Variants in SLC4A11 observed in about 807,000 individuals in gnomAD.
SLC4A11 encodes solute carrier family 4 member 11.
Under a neutral mutation model 95.0 loss-of-function variants are expected in SLC4A11, and 74 were observed. The observed-to-expected ratio is 0.78, with a 90% CI of 0.65 to 0.95. The LOEUF is 0.95. Among genes scored for constraint, SLC4A11 ranks in the 40% least tolerant of loss-of-function variants. SLC4A11 has a pLI of 0.00. For missense variants in SLC4A11, 1,081 were observed against 1,192.4 expected, an observed-to-expected ratio of 0.91 and a Z score of 1.38; for synonymous variants, 548 against 519.0, an observed-to-expected ratio of 1.06 and a Z score of -0.76.
chr20:3,238,851 A>C, intron 1 of SLC4A11: 1 of 1,213,290 alleles, frequency 8.2e-7, no homozygotes, highest in East Asian at 3.6e-5. Context: ...AAACCTGGTA[A>C]GAAATTCAAG....
At chr20:3,238,747 C>G in intron 1 of SLC4A11, 2 of 1,089,312 alleles carry the variant, frequency 1.8e-6, no homozygotes, top group Non-Finnish European at 2.2e-6. Flanking sequence ...CCGCCAGGCT[C>G]CCAAAAGCTC....
intron 19 of SLC4A11, 106 bp downstream of exon 19, chr20:3,228,153 C>CCCAA: frequency 2.0e-6 from 2 of 1,017,548 alleles, no homozygotes; most frequent in Non-Finnish European, 3.0e-6. Flanking sequence ...CCAACCCGCC[C>CCCAA]ATTCTCCGCC....
chr20:3,230,071 A>T, intron 13 of SLC4A11, 116 bp downstream of exon 13: 5 of 1,313,044 alleles, frequency 3.8e-6, no homozygotes, highest in Non-Finnish European at 5.5e-6. Flanking sequence ...CGCACCCTTG[A>T]TCACGGGCAC....
At position 3,229,602 on chromosome 20, in the gene SLC4A11, T is replaced by C. The variant is rs2067682593; in HGVS notation, c.1664A>G (p.Gln555Arg). The change falls in exon 14 of 20, where the codon CAG becomes CGG. Residue 555 changes from glutamine to arginine, a missense_variant. This residue lies in a region of SLC4A11 where 767 missense variants were observed against 858.0 expected (regional missense o/e 0.89). Coordinates refer to ENST00000642402, the MANE Select transcript of SLC4A11 (RefSeq NM_001174089.2). ...TELPSATHSG[Q>R]ATAVLSLLIM... is the part of the protein sequence containing the mutation. ...GAGGAGGCTGAGCACGGCGGTCGCC[T>C]GGCCTGAGTGTGTGGCCGAGGGCAG... 2 of 1,612,628 alleles carry C rather than the reference T, an allele frequency of 1.2e-6. No homozygotes were observed. The highest frequency in any genetic ancestry group is 1.3e-5 in the African/African-American group (1 of 74,900).
chr20:3,236,886 T>TG (rs1034810512), intron 2 of SLC4A11, among the ~76,000 whole-genome samples: 3 of 152,114 alleles, frequency 2.0e-5, no homozygotes, highest in Admixed American at 6.6e-5. Flanking sequence ...ACCAGGTTCC[T>TG]GGGGGGCTCC....
At position 3,230,798 on chromosome 20, in the gene SLC4A11, C is replaced by G; in HGVS notation, c.1216G>C (p.Ala406Pro). Residue 406 changes from alanine to proline, a missense_variant, in exon 11 of 20, where the codon GCG becomes CCG. Ala to Pro is a conservative substitution (Grantham distance 27). This residue lies in a region of SLC4A11 where 767 missense variants were observed against 858.0 expected (regional missense o/e 0.89). Transcript: ENST00000642402. The stretch of plus-strand genomic sequence containing the variant: ...ACCAATGGCTGCCCAGAGAAGAGCG[C>G]GTAGAGCAGGCCCCCGATGCTCTGC... ...AGQSIGGLLY[A>P]LFSGQPLVIL... 2.5e-6 allele frequency: 4 copies of G among 1,613,342 alleles called. No homozygotes were observed. The highest frequency in any genetic ancestry group is 3.4e-6 in the Non-Finnish European group (4 of 1,179,986).
At position 3,228,602 on chromosome 20, in the gene SLC4A11, G is replaced by A. The variant is rs2067626463; in HGVS notation, c.2298C>T (p.Pro766=). 1.4e-5 allele frequency: 22 copies of A among 1,613,190 alleles called. No homozygotes were observed. Among genetic ancestry groups the A allele is most frequent in the Non-Finnish European group, 1.9e-5 (22 of 1,179,980 alleles). Residue 766 remains proline (P), a synonymous_variant, in exon 18 of 20, where the codon CCC becomes CCT. Coordinates refer to ENST00000642402, the MANE Select transcript of SLC4A11 (RefSeq NM_001174089.2). ...LPVPLQWIPK[P]VLYGLFLYIA... is the part of the protein sequence containing the mutation. ...TGTAGAGGAAGAGGCCATAGAGCAC[G>A]GGCTTGGGGATCCACTGAAGCGGGA...
At position 3,230,189 on chromosome 20, in the gene SLC4A11, T is replaced by C. The variant is rs2067706902; in HGVS notation, c.1487A>G (p.Lys496Arg). 2.5e-6 allele frequency: 4 copies of C among 1,613,400 alleles called. No homozygotes were observed. The highest frequency in any genetic ancestry group is 3.4e-6 in the Non-Finnish European group (4 of 1,180,008). Residue 496 changes from lysine (K) to arginine (R), a missense_variant and splice_region_variant, in exon 13 of 20, where the codon AAA (lysine) becomes AGA (arginine). Physicochemically the swap from Lys to Arg is conservative, Grantham distance 26 (BLOSUM62 2). Around this residue, in one of 3 missense-constraint regions of SLC4A11, gnomAD observed 767 missense variants for 858.0 expected, o/e 0.89. Transcript: ENST00000642402. ...AGGTGGCCCCCAGCCGCACTCACTT[T>C]TAACCGTGCCCTTGACGGCATCCAG... ...FVLDAVKGTV[K>R]IFWKYYYGHY...
At chr20:3,228,460 C>T (rs767489954) in intron 18 of SLC4A11, 32 bp from the exon 19 acceptor site, 1 of 1,612,962 alleles carries the variant, frequency 6.2e-7, no homozygotes. Flanking sequence ...TGTGGGCAGG[C>T]ATGGGGCTGT....
At position 3,231,641 on chromosome 20, in the gene SLC4A11, G is replaced by A. The variant is rs1043317319; in HGVS notation, c.730-93C>T. On this transcript the variant is annotated intron_variant, in intron 7 of 19. Transcript: ENST00000642402. The surrounding 1 kb of genome is among the most constrained non-coding windows in gnomAD (Gnocchi z 5.2). ...GTGCTCTCCCCATGAACTGGCAGCA[G>A]GTTTTTTGTCTGTTTGTTTTTTGTG... is the stretch of plus-strand genomic sequence containing the variant. The A allele has an allele frequency of 1.6e-5, 19 of 1,211,836 alleles. No individual in the cohort carries two copies. In the African/African-American group the frequency reaches 2.3e-4, roughly 14 times the overall value. The allele number at this position is 1,211,836 out of a possible 1,614,324, so 75.1% of individuals were successfully genotyped here.
chr20:3,229,902 T>TG, intron 13 of SLC4A11, 126 bp from the exon 14 acceptor site: 1 of 1,337,064 alleles, frequency 7.5e-7, no homozygotes, highest in East Asian at 2.3e-5. Flanking sequence ...GACGTGCCCA[T>TG]GCACCCACAC....
rs766291568 is a variant in SLC4A11, at chr20:3,234,298, T to C, written c.308A>G (p.Asn103Ser). ...GTGCGCACGGATCTCTTCCTTGAAG[T>C]TCTTTAACTTCAGGTACTGAGGGGA... is the stretch of plus-strand genomic sequence containing the variant. ...HTSRKYLKLKNFKEEIRAHRD... is the reference protein window; with the variant it reads ...HTSRKYLKLKSFKEEIRAHRD... Residue 103 changes from asparagine to serine, a missense_variant, in exon 5 of 20, where the codon AAC becomes AGC. Asn to Ser is a conservative substitution (Grantham distance 46). Around this residue, in one of 3 missense-constraint regions of SLC4A11, gnomAD observed 310 missense variants for 313.5 expected, o/e 0.99. Transcript: ENST00000642402. The surrounding 1 kb of genome is among the most constrained non-coding windows in gnomAD (Gnocchi z 5.8). 4.3e-6 allele frequency: 7 copies of C among 1,613,754 alleles called. No homozygotes were observed. The East Asian group carries it at 1.6e-4, about 36-fold the overall frequency.
At chr20:3,238,981 G>A (rs2068074200) in intron 1 of SLC4A11, 114 bp downstream of exon 1, 11 of 1,317,624 alleles carry the variant, frequency 8.3e-6, no homozygotes, top group Non-Finnish European at 8.7e-6. Context: ...CTCGCCCACC[G>A]GCCCCGGCCC....
intron 19 of SLC4A11, 106 bp downstream of exon 19, chr20:3,228,153 C>CAA: frequency 2.0e-6 from 2 of 1,017,546 alleles, no homozygotes; most frequent in African/African-American, 1.6e-5. Context: ...CCAACCCGCC[C>CAA]ATTCTCCGCC....
At position 3,233,413 on chromosome 20, in the gene SLC4A11, C is replaced by T. The variant is rs549285635; in HGVS notation, c.729+101G>A. ...GCCGAGGCGAAGGGGAGGGTGAGGA[C>T]CAGGCCTTCAGAGGCCAGGACATGT... On this transcript the variant is annotated intron_variant, in intron 7 of 19. Coordinates refer to ENST00000642402, the MANE Select transcript of SLC4A11 (RefSeq NM_001174089.2). The T allele has an allele frequency of 2.1e-5, 33 of 1,567,846 alleles. No individual in the cohort carries two copies. The East Asian group carries it at 7.4e-4, about 35-fold the overall frequency.
At position 3,234,607 on chromosome 20, in the gene SLC4A11, C is replaced by T. The variant is rs374207928; in HGVS notation, c.252G>A (p.Ala84=). Residue 84 remains alanine, a synonymous_variant, in exon 4 of 20, where the codon GCG becomes GCA. Coordinates refer to ENST00000642402, the MANE Select transcript of SLC4A11 (RefSeq NM_001174089.2). The surrounding 1 kb of genome is among the most constrained non-coding windows in gnomAD (Gnocchi z 5.8). ...EMQATNTENE[A]TSGGCVLLHT... Reference sequence around the variant, plus strand: ...GCAGGAGCACACAGCCACCGGAAGTCGCTTCATTCTCTGCCGGAGAAAAGC... The same window carrying T: ...GCAGGAGCACACAGCCACCGGAAGTTGCTTCATTCTCTGCCGGAGAAAAGC... 1.1e-5 allele frequency: 18 copies of T among 1,613,794 alleles called. No homozygotes were observed. The African/African-American group carries it at 1.6e-4, about 14-fold the overall frequency.
chr20:3,237,926 C>T (rs1027796830), intron 1 of SLC4A11: 10 of 1,550,508 alleles, frequency 6.4e-6, no homozygotes, highest in Non-Finnish European at 8.7e-6. Flanking sequence ...CTGAGAAAAC[C>T]CTGCCCCGCT....
chr20:3,230,689 C>G lies in SLC4A11; in HGVS notation c.1283-42G>C, dbSNP rs776944918. 3.7e-6 allele frequency: 6 copies of G among 1,612,942 alleles called. No individual in the cohort carries two copies. The South Asian group carries it at 6.6e-5, about 18-fold the overall frequency. On this transcript the variant is annotated intron_variant, in intron 11 of 19. Transcript: ENST00000642402. ...GGGCGGGTCAGGGCCCGGCAGGAAC[C>G]AGGGGTCTCAGGCACCATCTCCCGC...
rs1448357251 is a variant in SLC4A11 at position 3,231,121 on chromosome 20, C to G, written c.1042+28G>C. On this transcript the variant is annotated intron_variant, in intron 9 of 19. Transcript: ENST00000642402. This position sits in a 1 kb window ranked among gnomAD's most constrained non-coding sequence, Gnocchi z 5.2. ...TGCAGGACAGGCACACGTGTGGGCCCAAGGCCTGGAAAGCAGAGGCCACGT... is the reference window on the plus strand; with the variant it reads ...TGCAGGACAGGCACACGTGTGGGCCGAAGGCCTGGAAAGCAGAGGCCACGT... 10 of 1,614,012 alleles carry G rather than the reference C, an allele frequency of 6.2e-6. No homozygotes were observed. The highest frequency in any genetic ancestry group is 7.6e-6 in the Non-Finnish European group (9 of 1,180,028).
Sources: gnomAD v4.1 joint callset for allele counts (sites outside exome capture counted in the v4.1 genomes callset) on GRCh38, gnomAD v4.1.1 for gene constraint, gnomAD v4.1.1 regional missense constraint, Gnocchi (gnomAD v3.1) non-coding constraint, MANE v1.5 for transcripts, NCBI Gene and HGNC (gene_info 2026-07-23, HGNC 2026-07-21) for gene names.